The following ATG7 variants were observed in gnomAD, a reference collection of about 807,000 sequenced individuals.
The protein encoded by ATG7 is autophagy related 7.
A neutral mutation model predicts 82.4 loss-of-function variants in ATG7; 70 were observed. The ratio of observed to expected loss-of-function variants is 0.85; its 90% CI spans 0.70 to 1.04. The LOEUF (loss-of-function observed/expected upper bound fraction) is 1.04. ATG7 is among the 50% of genes least tolerant of loss of function. The pLI is 0.00. For synonymous variants in ATG7, 287 were observed against 313.0 expected (o/e 0.92, Z 0.88); for missense variants, 792 against 864.3 (o/e 0.92, Z 1.05).
intron 19 of ATG7, among the ~76,000 whole-genome samples, chr3:11,407,417 C>T (rs990094935): frequency 6.6e-6 from 1 of 152,190 alleles, no homozygotes; most frequent in Non-Finnish European, 1.5e-5. Context: ...CTTCCAGGCA[C>T]ACAGCACAGT....
At chr3:11,377,544 A>T (rs1335754587) in intron 18 of ATG7, among the ~76,000 whole-genome samples, 1 of 152,164 alleles carries the variant, frequency 6.6e-6, no homozygotes, top group Non-Finnish European at 1.5e-5. Flanking sequence ...ACCTCCAATG[A>T]TAAGACAGTA....
At chr3:11,374,045 T>C (rs1393483718) in intron 18 of ATG7, among the ~76,000 whole-genome samples, 1 of 152,230 alleles carries the variant, frequency 6.6e-6, no homozygotes, top group East Asian at 1.9e-4. Context: ...TAGCTCAGCC[T>C]GTGTCTTGTC....
chr3:11,518,420 G>A (rs762088030), intron 20 of ATG7, among the ~76,000 whole-genome samples: 3 of 151,976 alleles, frequency 2.0e-5, no homozygotes, highest in Non-Finnish European at 2.9e-5. Context: ...GGTGGCATGC[G>A]CCTATAGTCC....
At chr3:11,379,799 A>G (rs1350098658) in intron 18 of ATG7, among the ~76,000 whole-genome samples, 173 bp from the exon 19 acceptor site, 1 of 152,246 alleles carries the variant, frequency 6.6e-6, no homozygotes, top group Non-Finnish European at 1.5e-5. Flanking sequence ...GTTCTTCTGC[A>G]AACTGATTAC....
At chr3:11,416,867 C>T (rs116741881) in intron 19 of ATG7, among the ~76,000 whole-genome samples, 1 of 152,104 alleles carries the variant, frequency 6.6e-6, no homozygotes, top group East Asian at 1.9e-4. Context: ...GCATTTCTTT[C>T]CCTGCATCTC....
At chr3:11,513,255 G>A (rs953249692) in intron 20 of ATG7, among the ~76,000 whole-genome samples, 3 of 152,250 alleles carry the variant, frequency 2.0e-5, no homozygotes, top group Non-Finnish European at 2.9e-5. Context: ...GCACTCCTCA[G>A]CCCTTGGGTG....
chr3:11,460,947 T>A (rs1031568757), intron 20 of ATG7, among the ~76,000 whole-genome samples: 1 of 152,200 alleles, frequency 6.6e-6, no homozygotes, highest in African/African-American at 2.4e-5. Context: ...ATCCTCAATA[T>A]GTCTTTGCAA....
intron 19 of ATG7, among the ~76,000 whole-genome samples, chr3:11,402,662 A>C (rs112853131): frequency 0.013 from 2,046 of 152,340 alleles, 25 homozygotes; most frequent in Non-Finnish European, 0.021. Context: ...AGCTCCAAAA[A>C]TATAAAATCA....
intron 18 of ATG7, among the ~76,000 whole-genome samples, chr3:11,366,005 G>A (rs917824515): frequency 3.9e-5 from 6 of 151,994 alleles, no homozygotes; most frequent in African/African-American, 1.4e-4. Flanking sequence ...GGATCACGAG[G>A]AGAGGAGTTT....
intron 19 of ATG7, among the ~76,000 whole-genome samples, chr3:11,389,505 GGTTAAATCACATAGCAAA>G (rs2078615053): frequency 6.8e-6 from 1 of 146,228 alleles, no homozygotes; most frequent in South Asian, 2.2e-4. Context: ...TCTAATGACT[GGTTAAATCACATAGCAAA>G]GTTAGACATC....
chr3:11,568,520 A>G, the ATG7 span: 2 of 1,524,972 alleles, frequency 1.3e-6, no homozygotes, highest in Non-Finnish European at 1.8e-6. The surrounding 1 kb of genome is among the most constrained non-coding windows in gnomAD (Gnocchi z 5.9). Context: ...AGTGGGCACT[A>G]TGGGTCAGAC....
At chr3:11,471,821 C>A (rs1389254476) in intron 20 of ATG7, among the ~76,000 whole-genome samples, 1 of 146,180 alleles carries the variant, frequency 6.8e-6, no homozygotes, top group Non-Finnish European at 1.5e-5. Context: ...CTCACTGCAA[C>A]CTCTGCCTCA....
intron 19 of ATG7, among the ~76,000 whole-genome samples, chr3:11,418,379 G>T (rs973157620): frequency 2.6e-5 from 4 of 151,792 alleles, no homozygotes; most frequent in Non-Finnish European, 5.9e-5. Context: ...CCCCCAAAGT[G>T]CTGGGGTTAC....
intron 13 of ATG7, among the ~76,000 whole-genome samples, chr3:11,344,275 G>A (rs1051491164): frequency 2.0e-5 from 3 of 152,164 alleles, no homozygotes; most frequent in African/African-American, 2.4e-5. Flanking sequence ...GAACTCCACA[G>A]TAATGTAGAA....
At chr3:11,469,922 G>A (rs558766113) in intron 20 of ATG7, among the ~76,000 whole-genome samples, 36 of 144,920 alleles carry the variant, frequency 2.5e-4, no homozygotes, top group South Asian at 1.7e-3. Context: ...CCTGGGAGGC[G>A]GAGGTTGCAG....
chr3:11,535,060 C>T (rs2092764330), intron 20 of ATG7, among the ~76,000 whole-genome samples: 1 of 152,266 alleles, frequency 6.6e-6, no homozygotes, highest in Non-Finnish European at 1.5e-5. Context: ...TTGCGGGTCA[C>T]CTCCTCAGGA....
At chr3:11,486,647 C>A (rs1392947423) in intron 20 of ATG7, among the ~76,000 whole-genome samples, 1 of 151,900 alleles carries the variant, frequency 6.6e-6, no homozygotes, top group Non-Finnish European at 1.5e-5. Flanking sequence ...CAGTTTTTGC[C>A]CATTCAGTAT....
At chr3:11,525,934 C>T (rs1364048467) in intron 20 of ATG7, among the ~76,000 whole-genome samples, 1 of 152,076 alleles carries the variant, frequency 6.6e-6, no homozygotes, top group East Asian at 1.9e-4. Flanking sequence ...TGTGTAGAGA[C>T]TCTACCTCTC....
the ATG7 span, among the ~76,000 whole-genome samples, chr3:11,572,631 G>A: frequency 5.3e-5 from 8 of 152,208 alleles, no homozygotes; most frequent in South Asian, 6.2e-4. Context: ...GGATGTGTCC[G>A]GAAGCACACA....
Sources: gnomAD v4.1 joint callset for allele counts (sites outside exome capture counted in the v4.1 genomes callset) on GRCh38, gnomAD v4.1.1 for gene constraint, Gnocchi (gnomAD v3.1) non-coding constraint, MANE v1.5 for transcripts, NCBI Gene and HGNC (gene_info 2026-07-23, HGNC 2026-07-21) for gene names.